The following ADD1 variants were observed in gnomAD, a reference collection of about 807,000 sequenced individuals.
The protein encoded by ADD1 is adducin 1, also known as alpha-adducin.
A neutral mutation model predicts 80.5 loss-of-function variants in ADD1; 24 were observed. The observed-to-expected ratio is 0.30, with a 90% confidence interval of 0.22 to 0.42. The LOEUF is 0.42. ADD1 is among the 10% of genes least tolerant of loss of function. The probability of loss-of-function intolerance (pLI) is 1.00; values close to 1 mark genes in which losing one functional copy is unlikely to be tolerated. For missense variants in ADD1, 948 were observed against 1,019.0 expected (o/e 0.93, Z 0.95); for synonymous variants, 373 against 393.8 (o/e 0.95, Z 0.63).
At chr4:2,847,445 A>T (rs532987386) in intron 1 of ADD1, among the ~76,000 whole-genome samples, 1 of 152,112 alleles carries the variant, frequency 6.6e-6, no homozygotes, top group Non-Finnish European at 1.5e-5. Flanking sequence ...ATTCTACTCA[A>T]CCTTCTCATT....
At chr4:2,857,989 C>A (rs939310686) in intron 1 of ADD1, among the ~76,000 whole-genome samples, 5 of 152,050 alleles carry the variant, frequency 3.3e-5, no homozygotes, top group Admixed American at 3.3e-4. Context: ...AGATCTGCTG[C>A]ATTCAGAGCA....
At chr4:2,889,144 T>C (rs1176743196) in intron 4 of ADD1, among the ~76,000 whole-genome samples, 1 of 152,152 alleles carries the variant, frequency 6.6e-6, no homozygotes, top group Admixed American at 6.6e-5. Flanking sequence ...ATAGTGTCCT[T>C]TGGGCAAAGG....
At chr4:2,923,095 G>T (rs571532004) in intron 14 of ADD1, among the ~76,000 whole-genome samples, 2 of 152,268 alleles carry the variant, frequency 1.3e-5, no homozygotes, top group Admixed American at 1.3e-4. Context: ...GGGATCTGCT[G>T]AGCAAGACCA....
chr4:2,878,316 C>G (rs2108907100), intron 2 of ADD1, among the ~76,000 whole-genome samples: 1 of 151,950 alleles, frequency 6.6e-6, no homozygotes, highest in East Asian at 1.9e-4. Flanking sequence ...GCTGCTTGGG[C>G]CAAGGTGGCG....
chr4:2,907,732 T>G lies in ADD1; in HGVS notation c.1507-11T>G. The G allele has an allele frequency of 1.2e-6, 2 of 1,605,000 alleles. No individual in the cohort carries two copies. The highest frequency in any genetic ancestry group is 1.7e-6 in the Non-Finnish European group (2 of 1,171,866). ...ATAATTCTGACTTTTCAACTGTTCTTGATATTACAGTGGACTAAAGAGGAT... is the reference window on the plus strand; with the variant it reads ...ATAATTCTGACTTTTCAACTGTTCTGGATATTACAGTGGACTAAAGAGGAT... On this transcript the variant is annotated splice_polypyrimidine_tract_variant and intron_variant, in intron 10 of 15. Transcript: ENST00000683351.
At chr4:2,917,257 G>T (rs906572166) in intron 14 of ADD1, among the ~76,000 whole-genome samples, 3 of 152,102 alleles carry the variant, frequency 2.0e-5, no homozygotes, top group Non-Finnish European at 2.9e-5. Flanking sequence ...TCTCATTGTG[G>T]TTTTGATTTG....
intron 1 of ADD1, among the ~76,000 whole-genome samples, chr4:2,862,740 G>T (rs1728990415): frequency 6.6e-6 from 1 of 152,174 alleles, no homozygotes. Context: ...CCTTCTAACA[G>T]ACTGTGTGAT....
At position 2,908,423 on chromosome 4, in the gene ADD1, T is replaced by C. The variant is rs1737427185; in HGVS notation, c.1609-92T>C. On this transcript the variant is annotated intron_variant, in intron 11 of 15. Transcript: ENST00000683351. ...TGGGAGAGCTGAAATGTAGCTTCCA[T>C]GTGGCTGGGGCCCAAGTGCACAAGC... 8.9e-6 allele frequency: 10 copies of C among 1,127,786 alleles called. No homozygotes were observed. In the Admixed American group the frequency reaches 1.1e-4, roughly 12 times the overall value. 69.9% of individuals were successfully genotyped at this position (1,127,786 alleles called of 1,614,324 possible).
At position 2,926,398 on chromosome 4, in the gene ADD1, C is replaced by T. The variant is rs1263345; in HGVS notation, c.2047+286C>T. 0.78 allele frequency: 544,991 copies of T among 698,684 alleles called. 214,549 individuals carry two copies. The highest frequency in any genetic ancestry group is 0.85 in the Middle Eastern group (3,652 of 4,314). The allele number at this position is 698,684 out of a possible 1,614,324, so 43.3% of individuals were successfully genotyped here. A position where few individuals can be genotyped will look rare whatever the true frequency, so the allele number is the denominator to read the frequency against. ...CCCATTGCTCGCACACTCCTCGTGC[C>T]GTGTTGTCATGCAGATGCCACCTTC... is the stretch of plus-strand genomic sequence containing the variant. On this transcript the variant is annotated intron_variant, in intron 15 of 15. Coordinates refer to ENST00000683351, the MANE Select transcript of ADD1 (RefSeq NM_001354761.2). This position sits in a 1 kb window ranked among gnomAD's most constrained non-coding sequence, Gnocchi z 5.0.
chr4:2,912,314 A>G (rs528334605), intron 13 of ADD1, among the ~76,000 whole-genome samples: 1 of 152,294 alleles, frequency 6.6e-6, no homozygotes, highest in South Asian at 2.1e-4. Context: ...CCTTTCTTGC[A>G]GAGGAATGTG....
At chr4:2,905,333 C>G in intron 10 of ADD1, 2 of 579,406 alleles carry the variant, frequency 3.5e-6, no homozygotes, top group Non-Finnish European at 3.1e-6. Flanking sequence ...CGCAGTAGTT[C>G]CAGTATATCT....
Position 2,929,385 on chromosome 4 carries a change from C to G in ADD1, c.*862C>G, listed in dbSNP as rs1712624833. The G allele has an allele frequency of 1.3e-5, 2 of 152,272 alleles. No individual in the cohort carries two copies. The highest frequency in any genetic ancestry group is 2.9e-5 in the Non-Finnish European group (2 of 68,074). 9.4% of individuals were successfully genotyped at this position (152,272 alleles called of 1,614,324 possible). A position where few individuals can be genotyped will look rare whatever the true frequency, so the allele number is the denominator to read the frequency against. On this transcript the variant is annotated 3_prime_UTR_variant, in exon 16 of 16. Coordinates refer to ENST00000683351, the MANE Select transcript of ADD1 (RefSeq NM_001354761.2). ...TTGGGGGAGGCTTCAGGGGACTGTTCTCACCTTAACTCAGCCAGAAAGATG... is the reference window on the plus strand; with the variant it reads ...TTGGGGGAGGCTTCAGGGGACTGTTGTCACCTTAACTCAGCCAGAAAGATG...
chr4:2,896,249 C>T (rs1204072193), intron 6 of ADD1, among the ~76,000 whole-genome samples: 2 of 149,256 alleles, frequency 1.3e-5, no homozygotes, highest in South Asian at 2.1e-4. Context: ...TGCTGTGTCA[C>T]GCAGGCTGAA....
At chr4:2,880,436 A>G (rs1472328535) in intron 2 of ADD1, among the ~76,000 whole-genome samples, 4 of 134,378 alleles carry the variant, frequency 3.0e-5, no homozygotes, top group Non-Finnish European at 6.5e-5. Flanking sequence ...ATCATTTATA[A>G]TTGTTTGACA....
Position 2,896,316 on chromosome 4 carries a change from C to T in ADD1, c.741+1585C>T, listed in dbSNP as rs547015619. 5.4e-4 allele frequency among the ~76,000 whole-genome samples: 82 copies of T among 152,072 alleles called. 1 individual carries two copies. Among genetic ancestry groups the T allele is most frequent in the African/African-American group, 1.9e-3 (77 of 41,462 alleles). ...CTCTGCCCCTCGGGTTCAAGCAGTT[C>T]TCTTGACTCAGCCTCCCAAGTAGCT... is the stretch of plus-strand genomic sequence containing the variant. On this transcript the variant is annotated intron_variant, in intron 6 of 15. Coordinates refer to ENST00000683351, the MANE Select transcript of ADD1 (RefSeq NM_001354761.2).
chr4:2,911,448 A>ATATATATATATATTTTTTTTTTTTTTT (rs553567632), intron 13 of ADD1, among the ~76,000 whole-genome samples: 1 of 130,520 alleles, frequency 7.7e-6, no homozygotes, highest in African/African-American at 3.0e-5. Context: ...ATATATATAT[A>ATATATATATATATTTTTTTTTTTTTTT]TTTTTTTTTT....
Position 2,904,810 on chromosome 4 carries a change from A to G in ADD1, c.1208A>G (p.Lys403Arg), listed in dbSNP as rs772950775. Residue 403 changes from lysine (K) to arginine (R), a missense_variant, in exon 10 of 16, where the codon AAG becomes AGG. Transcript: ENST00000683351. ...YPYRYPALRE[K>R]SKKYSDVEVP... Reference sequence around the variant, plus strand: ...TATCGATACCCTGCTCTGAGAGAGAAGTCTAAAAAATACAGCGATGTGGAG... The same window carrying G: ...TATCGATACCCTGCTCTGAGAGAGAGGTCTAAAAAATACAGCGATGTGGAG... 2 of 1,614,194 alleles carry G rather than the reference A, an allele frequency of 1.2e-6. No homozygotes were observed. The highest frequency in any genetic ancestry group is 1.1e-5 in the South Asian group (1 of 91,084).
At chr4:2,849,777 G>A (rs1726789902) in intron 1 of ADD1, among the ~76,000 whole-genome samples, 1 of 152,176 alleles carries the variant, frequency 6.6e-6, no homozygotes, top group Non-Finnish European at 1.5e-5. Context: ...AGAGGGAGCC[G>A]TAACCATAGG....
In ADD1 at chr4:2,908,577, T is replaced by C. The variant is rs1264947363; in HGVS notation, c.1671T>C (p.Gly557=). The C allele has an allele frequency of 1.9e-6, 3 of 1,614,094 alleles. No individual in the cohort carries two copies. The highest frequency in any genetic ancestry group is 2.5e-6 in the Non-Finnish European group (3 of 1,180,000). Reference sequence around the variant, plus strand: ...GCCCTCAGTCCCAGGTTTTGTGTGGTGTAGTGATGGACAGGAGCCTCGTCC... The same window carrying C: ...GCCCTCAGTCCCAGGTTTTGTGTGGCGTAGTGATGGACAGGAGCCTCGTCC... ...TAGPQSQVLC[G]VVMDRSLVQD... is the part of the protein sequence containing the mutation. The change falls in exon 12 of 16, where the codon GGT becomes GGC. Residue 557 remains glycine, a synonymous_variant. Transcript: ENST00000683351.
Sources: allele counts gnomAD v4.1 joint callset (sites outside exome capture counted in the v4.1 genomes callset), GRCh38; gene constraint gnomAD v4.1.1; non-coding constraint Gnocchi (gnomAD v3.1); transcripts MANE v1.5; gene names NCBI Gene and HGNC (gene_info 2026-07-23, HGNC 2026-07-21).